The following TRAPPC9 variants were observed in gnomAD, a reference collection of about 807,000 sequenced individuals.
TRAPPC9 encodes the protein trafficking protein particle complex subunit 9.
In TRAPPC9, 83 loss-of-function variants were observed where a neutral mutation model predicts 124.0. That is an observed-to-expected ratio of 0.67 (90% CI 0.56 to 0.80). TRAPPC9 has a LOEUF of 0.80. Ranked by LOEUF, TRAPPC9 falls within the 30% of genes least tolerant of loss-of-function variation. TRAPPC9 has a pLI of 0.00. For missense variants in TRAPPC9, 1,302 were observed against 1,508.3 expected (o/e 0.86, Z 2.27); for synonymous variants, 638 against 617.5 (o/e 1.03, Z -0.49).
intron 21 of TRAPPC9, among the ~76,000 whole-genome samples, chr8:139,822,999 T>C (rs1403599594): frequency 6.6e-6 from 1 of 152,102 alleles, no homozygotes; most frequent in Non-Finnish European, 1.5e-5. Flanking sequence ...TGGCCTTTCC[T>C]CAGGTGTGTG....
intron 19 of TRAPPC9, among the ~76,000 whole-genome samples, chr8:139,978,875 G>A (rs1194596484): frequency 6.7e-6 from 1 of 150,060 alleles, no homozygotes; most frequent in Non-Finnish European, 1.5e-5. Flanking sequence ...GGATCGCAAC[G>A]CGTCTCTGCT....
chr8:140,428,026 C>T (rs1554685700), intron 4 of TRAPPC9, among the ~76,000 whole-genome samples: 1 of 152,154 alleles, frequency 6.6e-6, no homozygotes, highest in Non-Finnish European at 1.5e-5. Context: ...CCGCCACACA[C>T]GCCACAACAC....
At chr8:139,780,054 G>C (rs1821690481) in intron 21 of TRAPPC9, among the ~76,000 whole-genome samples, 1 of 152,108 alleles carries the variant, frequency 6.6e-6, no homozygotes. Context: ...TATGTTCATG[G>C]GTAGAAAGAC....
intron 17 of TRAPPC9, among the ~76,000 whole-genome samples, chr8:140,114,365 A>C (rs970720456): frequency 3.9e-5 from 6 of 152,132 alleles, no homozygotes; most frequent in Non-Finnish European, 7.3e-5. Flanking sequence ...CACAAAAGAA[A>C]ATATTCCTAA....
At chr8:140,000,916 TAA>T (rs1258738375) in intron 18 of TRAPPC9, among the ~76,000 whole-genome samples, 1 of 152,166 alleles carries the variant, frequency 6.6e-6, no homozygotes, top group East Asian at 1.9e-4. Context: ...CATGCTACTC[TAA>T]AGACACATGC....
At chr8:139,987,531 AC>A (rs1276397503) in intron 19 of TRAPPC9, among the ~76,000 whole-genome samples, 2 of 125,230 alleles carry the variant, frequency 1.6e-5, no homozygotes, top group African/African-American at 5.3e-5. Flanking sequence ...TTTCCTTAAA[AC>A]AAATGAAAGA....
intron 17 of TRAPPC9, among the ~76,000 whole-genome samples, chr8:140,154,013 C>G (rs537898505): frequency 6.6e-6 from 1 of 152,316 alleles, no homozygotes; most frequent in Non-Finnish European, 1.5e-5. Flanking sequence ...CAAGAGTCAG[C>G]TCAAACATCA....
intron 21 of TRAPPC9, among the ~76,000 whole-genome samples, chr8:139,751,921 CATCT>C (rs1362967294): frequency 7.9e-5 from 12 of 151,378 alleles, no homozygotes; most frequent in African/African-American, 2.7e-4. Context: ...ATCCACCATC[CATCT>C]ATCCACCATC....
chr8:140,401,249 G>A (rs568961838), intron 6 of TRAPPC9, among the ~76,000 whole-genome samples: 1 of 152,182 alleles, frequency 6.6e-6, no homozygotes, highest in Non-Finnish European at 1.5e-5. Flanking sequence ...CATGTACAAG[G>A]TGGGACAAGC....
At chr8:140,033,664 T>G (rs894719625) in intron 17 of TRAPPC9, among the ~76,000 whole-genome samples, 26 of 76,266 alleles carry the variant, frequency 3.4e-4, no homozygotes, top group African/African-American at 2.4e-3. Flanking sequence ...TGTGGTTTTT[T>G]TTTTTTTTTT....
intron 21 of TRAPPC9, among the ~76,000 whole-genome samples, chr8:139,793,078 C>T (rs1822812325): frequency 6.6e-6 from 1 of 152,132 alleles, no homozygotes; most frequent in Non-Finnish European, 1.5e-5. Flanking sequence ...GGCCCAGCTG[C>T]CAGGGAGGAA....
intron 17 of TRAPPC9, among the ~76,000 whole-genome samples, chr8:140,110,131 T>C (rs1587725911): frequency 7.1e-6 from 1 of 140,524 alleles, no homozygotes; most frequent in East Asian, 1.9e-4. Context: ...GACCCTAGAC[T>C]GCCAGGCTCT....
At chr8:140,134,010 C>T (rs1396111985) in intron 17 of TRAPPC9, among the ~76,000 whole-genome samples, 1 of 151,750 alleles carries the variant, frequency 6.6e-6, no homozygotes, top group Admixed American at 6.6e-5. Context: ...TTCAAAATTC[C>T]AACAGCTTAT....
At chr8:140,452,019 G>A (rs1380845801) in intron 1 of TRAPPC9, among the ~76,000 whole-genome samples, 1 of 151,882 alleles carries the variant, frequency 6.6e-6, no homozygotes, top group Non-Finnish European at 1.5e-5. Flanking sequence ...TACCCAGGAG[G>A]CTGAGGCAGG....
chr8:140,036,565 C>T (rs186290846), intron 17 of TRAPPC9, among the ~76,000 whole-genome samples: 8 of 152,086 alleles, frequency 5.3e-5, no homozygotes, highest in Admixed American at 1.3e-4. Context: ...GGGTGTGGTA[C>T]AAAGATCCAT....
intron 21 of TRAPPC9, among the ~76,000 whole-genome samples, chr8:139,796,917 G>A (rs1480813694): frequency 2.0e-5 from 3 of 152,208 alleles, no homozygotes; most frequent in African/African-American, 4.8e-5. Context: ...GTTACTATCC[G>A]TCTTTTTGAT....
chr8:140,328,986 C>T (rs1393527361), intron 9 of TRAPPC9, among the ~76,000 whole-genome samples: 1 of 152,110 alleles, frequency 6.6e-6, no homozygotes, highest in Non-Finnish European at 1.5e-5. Flanking sequence ...CGGAAGACAG[C>T]AGCTCCAGCA....
chr8:140,190,591 C>T (rs1460658763), intron 17 of TRAPPC9, among the ~76,000 whole-genome samples: 2 of 152,158 alleles, frequency 1.3e-5, no homozygotes, highest in Non-Finnish European at 2.9e-5. Context: ...AGAGGCAGAG[C>T]CTGGAGGAAC....
intron 15 of TRAPPC9, among the ~76,000 whole-genome samples, chr8:140,264,249 T>C (rs2131570302): frequency 6.6e-6 from 1 of 152,236 alleles, no homozygotes; most frequent in East Asian, 1.9e-4. Flanking sequence ...GGTTTCCCTT[T>C]GTCAGCAGGA....
Sources: allele counts gnomAD v4.1 joint callset (sites outside exome capture counted in the v4.1 genomes callset), GRCh38; gene constraint gnomAD v4.1.1; transcripts MANE v1.5; gene names NCBI Gene and HGNC (gene_info 2026-07-23, HGNC 2026-07-21).